Variants in MARCHF1 observed in about 807,000 individuals in gnomAD.
MARCHF1 encodes membrane associated ring-CH-type finger 1, also known as E3 ubiquitin-protein ligase MARCHF1.
A neutral mutation model predicts 54.2 loss-of-function variants in MARCHF1; 40 were observed. The ratio of observed to expected loss-of-function variants is 0.74; its 90% confidence interval spans 0.57 to 0.96. The LOEUF (loss-of-function observed/expected upper bound fraction) is 0.96. Among genes scored for constraint, MARCHF1 ranks in the 40% least tolerant of loss-of-function variants. MARCHF1 has a pLI of 0.00. For synonymous variants in MARCHF1, 236 were observed against 236.3 expected (o/e 1.00, Z 0.01); for missense variants, 586 against 656.5 (o/e 0.89, Z 1.17).
chr4:163,551,589 T>C (rs1472211369), intron 8 of MARCHF1, among the ~76,000 whole-genome samples: 1 of 152,202 alleles, frequency 6.6e-6, no homozygotes, highest in East Asian at 1.9e-4. Flanking sequence ...AATCAGGAAG[T>C]GTACACAAGT....
At chr4:164,319,098 C>G (rs777780092) in intron 1 of MARCHF1, among the ~76,000 whole-genome samples, 1 of 152,112 alleles carries the variant, frequency 6.6e-6, no homozygotes, top group Non-Finnish European at 1.5e-5. Flanking sequence ...TGGATTCAAT[C>G]AACCACATAT....
At chr4:163,924,302 A>T (rs1751493305) in intron 3 of MARCHF1, among the ~76,000 whole-genome samples, 1 of 152,054 alleles carries the variant, frequency 6.6e-6, no homozygotes, top group South Asian at 2.1e-4. Flanking sequence ...GGCTGGCTGG[A>T]CTTTTGACAT....
intron 8 of MARCHF1, among the ~76,000 whole-genome samples, chr4:163,552,846 A>G (rs1246553600): frequency 1.3e-5 from 2 of 152,138 alleles, no homozygotes; most frequent in Non-Finnish European, 2.9e-5. Flanking sequence ...ATCCTGGCCA[A>G]CGTGGTGAAA....
intron 9 of MARCHF1, among the ~76,000 whole-genome samples, chr4:163,537,740 G>C (rs137992454): frequency 4.6e-5 from 7 of 152,332 alleles, no homozygotes; most frequent in African/African-American, 1.7e-4. Context: ...TGAGGAAATA[G>C]AAAGCTACTG....
At chr4:164,170,754 C>T (rs756485033) in intron 1 of MARCHF1, among the ~76,000 whole-genome samples, 3 of 151,884 alleles carry the variant, frequency 2.0e-5, no homozygotes, top group Admixed American at 6.6e-5. Context: ...AAATAAATTT[C>T]GAAGGACATA....
intron 2 of MARCHF1, among the ~76,000 whole-genome samples, chr4:164,081,529 T>G (rs1005765841): frequency 6.6e-6 from 1 of 152,116 alleles, no homozygotes; most frequent in African/African-American, 2.4e-5. Flanking sequence ...CTCCGAAGCC[T>G]GGGAACTCCT....
chr4:163,621,328 C>T (rs1181906368), intron 5 of MARCHF1, among the ~76,000 whole-genome samples: 3 of 152,038 alleles, frequency 2.0e-5, no homozygotes, highest in Non-Finnish European at 4.4e-5. Flanking sequence ...TAAAAAATAC[C>T]TTTGCCCAGG....
intron 3 of MARCHF1, among the ~76,000 whole-genome samples, chr4:163,855,672 A>G (rs533124314): frequency 7.9e-5 from 12 of 152,352 alleles, no homozygotes; most frequent in African/African-American, 2.9e-4. Flanking sequence ...TTTTAACTCT[A>G]TAATTAAATA....
rs192122711 is a variant in MARCHF1, at chr4:163,603,302, G to A, written c.1010+8969C>T. ...CATCTGAAGATACACATACGAAACT[G>A]GGAAAACAGAAAATCTAAATGTTTT... On this transcript the variant is annotated intron_variant, in intron 7 of 9. Coordinates refer to ENST00000514618, the MANE Select transcript of MARCHF1 (RefSeq NM_001394959.1). Among the ~76,000 whole-genome samples the A allele has an allele frequency of 3.5e-3, 509 of 145,372 alleles. 2 individuals carry two copies. The highest frequency in any genetic ancestry group is 9.3e-3 in the African/African-American group (375 of 40,382).
chr4:163,924,852 A>G (rs1020718534), intron 3 of MARCHF1, among the ~76,000 whole-genome samples: 1 of 151,850 alleles, frequency 6.6e-6, no homozygotes, highest in African/African-American at 2.4e-5. Flanking sequence ...ATTAAGAAAA[A>G]TAAGCAGCAA....
intron 2 of MARCHF1, among the ~76,000 whole-genome samples, chr4:164,039,052 T>C (rs1463404060): frequency 6.6e-6 from 1 of 152,182 alleles, no homozygotes; most frequent in Non-Finnish European, 1.5e-5. Context: ...GTGATCAATA[T>C]AAACTTCTAA....
intron 1 of MARCHF1, among the ~76,000 whole-genome samples, chr4:164,217,493 G>C (rs1731967020): frequency 6.6e-6 from 1 of 152,146 alleles, no homozygotes; most frequent in Admixed American, 6.5e-5. Context: ...AATGATTGAG[G>C]ATGGCCAATT....
intron 1 of MARCHF1, among the ~76,000 whole-genome samples, chr4:164,290,528 G>GA (rs970420816): frequency 1.3e-5 from 2 of 151,652 alleles, no homozygotes; most frequent in Admixed American, 6.6e-5. Flanking sequence ...GAAAAAAAGA[G>GA]AAAAAAATTG....
At chr4:163,761,337 AAAT>A (rs943899720) in intron 4 of MARCHF1, among the ~76,000 whole-genome samples, 1 of 152,194 alleles carries the variant, frequency 6.6e-6, no homozygotes, top group African/African-American at 2.4e-5. Flanking sequence ...GATGGATATA[AAAT>A]AGTAGAGAGC....
chr4:164,161,799 C>T (rs1730246194), intron 1 of MARCHF1, among the ~76,000 whole-genome samples: 1 of 152,110 alleles, frequency 6.6e-6, no homozygotes, highest in African/African-American at 2.4e-5. Flanking sequence ...TAGATACAGC[C>T]ACCTTGCTGC....
At chr4:164,228,829 C>G (rs936128523) in intron 1 of MARCHF1, among the ~76,000 whole-genome samples, 6 of 152,072 alleles carry the variant, frequency 3.9e-5, no homozygotes, top group African/African-American at 1.4e-4. Flanking sequence ...GGACCAAATC[C>G]TAGTCTTAAT....
At chr4:164,264,891 G>C (rs1733566418) in intron 1 of MARCHF1, among the ~76,000 whole-genome samples, 1 of 148,336 alleles carries the variant, frequency 6.7e-6, no homozygotes, top group Non-Finnish European at 1.5e-5. Flanking sequence ...TTGCACTCCA[G>C]CCTGGGCAAC....
intron 2 of MARCHF1, among the ~76,000 whole-genome samples, chr4:164,099,834 A>G (rs1378750799): frequency 6.6e-6 from 1 of 152,158 alleles, no homozygotes; most frequent in Non-Finnish European, 1.5e-5. Flanking sequence ...TTGTGAATCT[A>G]ATACTTTTTA....
intron 4 of MARCHF1, among the ~76,000 whole-genome samples, chr4:163,722,323 C>A (rs1198423458): frequency 1.3e-5 from 2 of 152,030 alleles, no homozygotes; most frequent in Non-Finnish European, 2.9e-5. Flanking sequence ...GTTCAGTTTC[C>A]ATGTAGTTGA....
Sources: allele counts gnomAD v4.1 joint callset (sites outside exome capture counted in the v4.1 genomes callset), GRCh38; gene constraint gnomAD v4.1.1; transcripts MANE v1.5; gene names NCBI Gene and HGNC (gene_info 2026-07-23, HGNC 2026-07-21).